Variants in RARB observed in about 807,000 individuals in gnomAD.
RARB encodes the protein HBV-activated protein.
RARB carries 17 observed loss-of-function variants against 51.9 expected under a neutral mutation model. That is an observed-to-expected ratio of 0.33 (90% CI 0.22 to 0.49). The LOEUF (loss-of-function observed/expected upper bound fraction) is 0.49. Among genes scored for constraint, RARB ranks in the 20% least tolerant of loss-of-function variants. RARB has a pLI of 0.99. For synonymous variants in RARB, 215 were observed against 195.4 expected (o/e 1.10, Z -0.84); for missense variants, 369 against 550.8 (o/e 0.67, Z 3.30).
At chr3:25,463,662 A>T (rs1331810737) in intron 2 of RARB, among the ~76,000 whole-genome samples, 1 of 131,044 alleles carries the variant, frequency 7.6e-6, no homozygotes, top group Non-Finnish European at 1.6e-5. Flanking sequence ...ACTCCATCTC[A>T]AAAAAAAAAA....
At chr3:25,519,111 G>C (rs774748164) in intron 3 of RARB, among the ~76,000 whole-genome samples, 3 of 152,086 alleles carry the variant, frequency 2.0e-5, no homozygotes, top group Non-Finnish European at 2.9e-5. Flanking sequence ...TGCATATATT[G>C]GTTGTTTGCT....
chr3:24,847,823 C>G (rs1702503768), intron 1 of RARB, among the ~76,000 whole-genome samples: 1 of 152,170 alleles, frequency 6.6e-6, no homozygotes. Context: ...AACAAATACC[C>G]AAGTGATATT....
intron 5 of RARB, among the ~76,000 whole-genome samples, chr3:25,392,348 C>T (rs1309374052): frequency 6.6e-6 from 1 of 151,412 alleles, no homozygotes; most frequent in Non-Finnish European, 1.5e-5. Context: ...GTTGTTTTTG[C>T]TTCATCTGGC....
chr3:24,987,880 C>G (rs1167591332), intron 2 of RARB, among the ~76,000 whole-genome samples: 3 of 152,116 alleles, frequency 2.0e-5, no homozygotes, highest in African/African-American at 7.2e-5. Context: ...TATACGCATA[C>G]AAAAACCAAA....
chr3:25,226,704 C>G (rs1464344707), intron 5 of RARB, among the ~76,000 whole-genome samples: 1 of 152,158 alleles, frequency 6.6e-6, no homozygotes, highest in Non-Finnish European at 1.5e-5. Context: ...TATCTCCCTT[C>G]ACTTTTCTGG....
At chr3:25,002,392 T>TG (rs1190347470) in intron 2 of RARB, among the ~76,000 whole-genome samples, 2 of 152,094 alleles carry the variant, frequency 1.3e-5, no homozygotes, top group Admixed American at 1.3e-4. Context: ...ACTTGGCACA[T>TG]GGGAAACTCT....
At chr3:24,981,548 G>A (rs914453767) in intron 2 of RARB, among the ~76,000 whole-genome samples, 7 of 152,254 alleles carry the variant, frequency 4.6e-5, no homozygotes, top group South Asian at 2.1e-4. Flanking sequence ...AGACTGCTGC[G>A]TTAGCAGAGA....
At chr3:24,956,081 CG>C (rs1696008515) in intron 2 of RARB, among the ~76,000 whole-genome samples, 1 of 152,008 alleles carries the variant, frequency 6.6e-6, no homozygotes, top group African/African-American at 2.4e-5. Flanking sequence ...GGTTGGACAG[CG>C]GGGTTAGAAA....
At chr3:25,358,529 T>C (rs1380505524) in intron 5 of RARB, among the ~76,000 whole-genome samples, 1 of 151,992 alleles carries the variant, frequency 6.6e-6, no homozygotes, top group Non-Finnish European at 1.5e-5. Flanking sequence ...TGAATAGGAG[T>C]GGTGAGAGAG....
rs752477160 is a variant in RARB, at chr3:25,580,620, C to T, written c.684C>T (p.Cys228=). ...AATTCAGTGAACTGGCCACCAAGTG[C>T]ATTATTAAGATCGTGGAGTTTGCTA... ...WDKFSELATK[C]IIKIVEFAKR... The change falls in exon 5 of 8, where the codon TGC becomes TGT. Residue 228 remains cysteine (C), a synonymous_variant. Coordinates refer to ENST00000330688, the MANE Select transcript of RARB (RefSeq NM_000965.5). The T allele has an allele frequency of 6.2e-7, 1 of 1,612,986 alleles. No homozygotes were observed. The highest frequency in any genetic ancestry group is 1.1e-5 in the South Asian group (1 of 90,962).
intron 2 of RARB, among the ~76,000 whole-genome samples, chr3:25,040,183 C>T (rs117215949): frequency 6.6e-6 from 1 of 152,270 alleles, no homozygotes; most frequent in East Asian, 1.9e-4. Context: ...CAAAGTGAAG[C>T]TCTTTGGGGA....
intron 2 of RARB, among the ~76,000 whole-genome samples, chr3:24,884,264 CTG>C (rs1418322932): frequency 6.6e-6 from 1 of 152,110 alleles, no homozygotes; most frequent in African/African-American, 2.4e-5. Flanking sequence ...GTCTGTGAAA[CTG>C]TTGATTCTCC....
chr3:24,895,854 C>G (rs1703468206), intron 2 of RARB, among the ~76,000 whole-genome samples: 1 of 152,178 alleles, frequency 6.6e-6, no homozygotes. Context: ...AGCACTTCCA[C>G]AACCAGGCAT....
chr3:25,189,176 G>A (rs144233515), intron 5 of RARB, among the ~76,000 whole-genome samples: 4 of 152,184 alleles, frequency 2.6e-5, no homozygotes, highest in African/African-American at 9.6e-5. Flanking sequence ...CCTCAATGTA[G>A]GCTAAATTAA....
At chr3:25,507,727 G>T in intron 3 of RARB, among the ~76,000 whole-genome samples, 1 of 152,196 alleles carries the variant, frequency 6.6e-6, no homozygotes, top group East Asian at 1.9e-4. Flanking sequence ...AGGGGGTCCA[G>T]GGATAGGGGA....
intron 5 of RARB, among the ~76,000 whole-genome samples, chr3:25,177,306 T>C (rs893470784): frequency 5.3e-5 from 8 of 152,178 alleles, no homozygotes; most frequent in Non-Finnish European, 1.2e-4. Flanking sequence ...AAAATAAATT[T>C]AAGGTTTTTA....
chr3:25,130,915 T>TCAATATTTATCATTGATAA (rs1559477490), intron 3 of RARB, among the ~76,000 whole-genome samples: 1 of 23,126 alleles, frequency 4.3e-5, no homozygotes, highest in Admixed American at 6.9e-4. Flanking sequence ...ATTGATAATA[T>TCAATATTTATCATTGATAA]TATCAATATT....
chr3:24,924,684 G>T (rs1048362341), intron 2 of RARB, among the ~76,000 whole-genome samples: 1 of 152,054 alleles, frequency 6.6e-6, no homozygotes, highest in African/African-American at 2.4e-5. Flanking sequence ...ATTGCCTTTT[G>T]AATATGCCTG....
In RARB at chr3:24,990,584, CTTAAA is replaced by C. The variant is rs1663790080; in HGVS notation, c.-379-69539_-379-69535del. The stretch of plus-strand genomic sequence containing the variant: ...TTTTGCATTTCTCTCATAAGCCAAG[CTTAAA>C]TGAATACATAGTTTTATTCTGCAAC... On this transcript the variant is annotated intron_variant, in intron 2 of 11. Transcript: ENST00000383772. 1.8e-5 allele frequency among the ~76,000 whole-genome samples: 2 copies of C among 108,180 alleles called. 1 individual carries two copies. The highest frequency in any genetic ancestry group is 2.3e-4 in the Admixed American group (2 of 8,526). 71.0% of individuals were successfully genotyped at this position (108,180 alleles called of 152,430 possible). A position where few individuals can be genotyped will look rare whatever the true frequency, so the allele number is the denominator to read the frequency against.
Sources: gnomAD v4.1 joint callset for allele counts (sites outside exome capture counted in the v4.1 genomes callset) on GRCh38, gnomAD v4.1.1 for gene constraint, MANE v1.5 for transcripts, NCBI Gene and HGNC (gene_info 2026-07-23, HGNC 2026-07-21) for gene names.